The following FMN2 variants were observed in gnomAD, a reference collection of about 807,000 sequenced individuals.
FMN2 encodes the protein formin-2.
Under a neutral mutation model 142.3 loss-of-function variants are expected in FMN2, and 51 were observed. The ratio of observed to expected loss-of-function variants is 0.36; its 90% CI spans 0.29 to 0.45. FMN2 has a LOEUF of 0.45. Ranked by LOEUF, FMN2 falls within the 20% of genes least tolerant of loss-of-function variation. The probability of loss-of-function intolerance (pLI) is 1.00; values close to 1 mark genes in which losing one functional copy is unlikely to be tolerated. For missense variants in FMN2, 1,936 were observed against 2,122.8 expected, an observed-to-expected ratio of 0.91 and a Z score of 1.73; for synonymous variants, 882 against 869.8, an observed-to-expected ratio of 1.01 and a Z score of -0.25.
chr1:240,352,620 G>T (rs1672132107), intron 13 of FMN2, among the ~76,000 whole-genome samples: 1 of 152,040 alleles, frequency 6.6e-6, no homozygotes, highest in Non-Finnish European at 1.5e-5. Context: ...AGAGACTTTT[G>T]GGAACACTGT....
At chr1:240,302,571 G>A (rs1257495958) in intron 8 of FMN2, among the ~76,000 whole-genome samples, 2 of 152,018 alleles carry the variant, frequency 1.3e-5, no homozygotes, top group African/African-American at 2.4e-5. Flanking sequence ...AGTATCAAAT[G>A]TTGAAGAGCA....
At chr1:240,209,291 C>T (rs1403298338) in intron 5 of FMN2, among the ~76,000 whole-genome samples, 1 of 151,218 alleles carries the variant, frequency 6.6e-6, no homozygotes. Flanking sequence ...CGCTCTGTCA[C>T]CCAGGCTGGA....
intron 1 of FMN2, among the ~76,000 whole-genome samples, chr1:240,122,750 C>T (rs2103218332): frequency 6.6e-6 from 1 of 152,024 alleles, no homozygotes; most frequent in Middle Eastern, 3.4e-3. Context: ...GACCTCATGT[C>T]TATTAAAGAA....
rs1438787910 is a variant in FMN2 at position 240,208,664 on chromosome 1, G to A, written c.3852G>A (p.Lys1284=). The change falls in exon 5 of 18, where the codon AAG becomes AAA. Residue 1284 remains lysine (K), a synonymous_variant. Coordinates refer to ENST00000319653, the MANE Select transcript of FMN2 (RefSeq NM_020066.5). ...TGAATCAGGACAAAGGGAGTAGGAA[G>A]CAGCCCATAGAGCCTTGTCGACCAA... ...LGMNQDKGSR[K]QPIEPCRPMK... 10 of 1,613,782 alleles carry A rather than the reference G, an allele frequency of 6.2e-6. No homozygotes were observed. Among genetic ancestry groups the A allele is most frequent in the African/African-American group, 1.3e-5 (1 of 74,922 alleles).
intron 15 of FMN2, among the ~76,000 whole-genome samples, chr1:240,396,241 A>G (rs1303213405): frequency 6.6e-6 from 1 of 151,946 alleles, no homozygotes; most frequent in African/African-American, 2.4e-5. Flanking sequence ...TAACTCTATT[A>G]CAATATTCAT....
intron 6 of FMN2, among the ~76,000 whole-genome samples, chr1:240,213,717 A>G (rs1197734264): frequency 1.3e-5 from 2 of 152,204 alleles, no homozygotes; most frequent in African/African-American, 4.8e-5. Context: ...TTCTTCTTAT[A>G]TACAATGGAA....
At chr1:240,326,655 G>T (rs1003355752) in intron 8 of FMN2, among the ~76,000 whole-genome samples, 5 of 151,856 alleles carry the variant, frequency 3.3e-5, no homozygotes, top group Non-Finnish European at 7.4e-5. Flanking sequence ...ATATTAAGGT[G>T]TCTAAACAAA....
intron 15 of FMN2, among the ~76,000 whole-genome samples, chr1:240,396,814 A>G (rs2103104036): frequency 6.6e-6 from 1 of 152,334 alleles, no homozygotes; most frequent in East Asian, 1.9e-4. Flanking sequence ...ATAGTATTCC[A>G]TGATGTATGT....
At chr1:240,231,615 G>C (rs1196109954) in intron 6 of FMN2, among the ~76,000 whole-genome samples, 1 of 152,200 alleles carries the variant, frequency 6.6e-6, no homozygotes, top group Non-Finnish European at 1.5e-5. Context: ...GGCATGATTT[G>C]TGAGGGGCTT....
At chr1:240,404,986 G>A (rs962306713) in intron 15 of FMN2, among the ~76,000 whole-genome samples, 2 of 152,140 alleles carry the variant, frequency 1.3e-5, no homozygotes, top group African/African-American at 4.8e-5. Flanking sequence ...TTGTAAAAAT[G>A]GAAGCTTTCC....
chr1:240,213,508 TGTCCA>T (rs1460837609), intron 6 of FMN2, among the ~76,000 whole-genome samples: 14 of 152,232 alleles, frequency 9.2e-5, no homozygotes, highest in Non-Finnish European at 1.9e-4. Flanking sequence ...AAGAAAAATC[TGTCCA>T]TTCCATTTAC....
intron 2 of FMN2, among the ~76,000 whole-genome samples, chr1:240,169,204 T>C (rs1275964114): frequency 6.6e-6 from 1 of 152,176 alleles, no homozygotes; most frequent in Non-Finnish European, 1.5e-5. Flanking sequence ...TATTTAGTTC[T>C]TTAGACAGAG....
intron 16 of FMN2, among the ~76,000 whole-genome samples, chr1:240,440,854 A>AATGAAAATGCACAATTTCTTGT (rs369019682): frequency 0.026 from 3,885 of 152,050 alleles, 162 homozygotes; most frequent in African/African-American, 0.088. Context: ...AACAGTGAAA[A>AATGAAAATGCACAATTTCTTGT]ATGAAAATGC....
intron 6 of FMN2, among the ~76,000 whole-genome samples, chr1:240,256,263 A>G (rs1024001459): frequency 3.3e-5 from 5 of 152,124 alleles, no homozygotes; most frequent in Admixed American, 2.6e-4. Context: ...GGACAATGCT[A>G]TGGATAGAAA....
chr1:240,382,961 T>C (rs951874083), intron 14 of FMN2, among the ~76,000 whole-genome samples: 1 of 151,940 alleles, frequency 6.6e-6, no homozygotes, highest in Non-Finnish European at 1.5e-5. Context: ...CAAAGCCACA[T>C]ATGTACAACC....
chr1:240,275,631 G>A (rs1173388905), intron 7 of FMN2, among the ~76,000 whole-genome samples: 1 of 152,080 alleles, frequency 6.6e-6, no homozygotes, highest in Non-Finnish European at 1.5e-5. Context: ...TGGGTCAAAT[G>A]GTATTTCTGG....
At chr1:240,245,376 C>G in intron 6 of FMN2, 1 of 399,274 alleles carries the variant, frequency 2.5e-6, no homozygotes, top group Non-Finnish European at 5.0e-6. Context: ...GTGATGAGAA[C>G]TTGCAGCAGG....
intron 2 of FMN2, among the ~76,000 whole-genome samples, chr1:240,147,983 A>G (rs1663560068): frequency 6.6e-6 from 1 of 152,216 alleles, no homozygotes; most frequent in African/African-American, 2.4e-5. Flanking sequence ...TCGCCATGGA[A>G]GCTGCTCTTG....
At chr1:240,439,484 CCAGACTT>C (rs1367407728) in intron 16 of FMN2, among the ~76,000 whole-genome samples, 2 of 152,086 alleles carry the variant, frequency 1.3e-5, no homozygotes, top group African/African-American at 4.8e-5. Flanking sequence ...GTAAACCATG[CCAGACTT>C]GCGCTTACTC....
Sources: gnomAD v4.1 joint callset for allele counts (sites outside exome capture counted in the v4.1 genomes callset) on GRCh38, gnomAD v4.1.1 for gene constraint, MANE v1.5 for transcripts, NCBI Gene and HGNC (gene_info 2026-07-23, HGNC 2026-07-21) for gene names.